FAM161A: variants seen among roughly 807,000 people sequenced by gnomAD.
The protein encoded by FAM161A is protein FAM161A.
A neutral mutation model predicts 70.9 loss-of-function variants in FAM161A; 57 were observed. The ratio of observed to expected loss-of-function variants is 0.80; its 90% CI spans 0.65 to 1.00. The LOEUF (loss-of-function observed/expected upper bound fraction) is 1.00, where lower values mean the gene tolerates loss of function less well. FAM161A is among the 50% of genes least tolerant of loss of function. The pLI, the probability that FAM161A is intolerant of heterozygous loss-of-function variation, is 0.00. For synonymous variants in FAM161A, 299 were observed against 295.7 expected, an observed-to-expected ratio of 1.01 and a Z score of -0.12; for missense variants, 880 against 836.0, an observed-to-expected ratio of 1.05 and a Z score of -0.65.
chr2:61,801,223 C>T, the FAM161A span, among the ~76,000 whole-genome samples: 2 of 152,008 alleles, frequency 1.3e-5, no homozygotes, highest in East Asian at 1.9e-4. Flanking sequence ...ATTGGCCAGG[C>T]GCAGTGGTTC....
chr2:61,821,124 C>T (rs1350879352), downstream of FAM161A, among the ~76,000 whole-genome samples: 1 of 151,608 alleles, frequency 6.6e-6, no homozygotes. Flanking sequence ...ACAATCTCAG[C>T]TCACTGCAAC....
At chr2:61,831,740 T>A (rs1258669338) in intron 5 of FAM161A, among the ~76,000 whole-genome samples, 1 of 152,156 alleles carries the variant, frequency 6.6e-6, no homozygotes, top group Non-Finnish European at 1.5e-5. Context: ...ACAATGCATA[T>A]AAAGTGCTTA....
the FAM161A span, among the ~76,000 whole-genome samples, chr2:61,810,256 G>A: frequency 6.6e-6 from 1 of 152,094 alleles, no homozygotes; most frequent in Non-Finnish European, 1.5e-5. Flanking sequence ...GAGTTAATAA[G>A]GGGTGCTCTA....
chr2:61,803,702 T>C, the FAM161A span, among the ~76,000 whole-genome samples: 1 of 152,148 alleles, frequency 6.6e-6, no homozygotes, highest in Admixed American at 6.6e-5. Context: ...TAATTCCAAC[T>C]TCTCAGGAAG....
chr2:61,803,187 G>A, the FAM161A span: 1 of 538,870 alleles, frequency 1.9e-6, no homozygotes, highest in Non-Finnish European at 3.5e-6. Context: ...CAGTGCCTAA[G>A]ACAGAAATTC....
At chr2:61,840,677 G>C (rs1008332902) in intron 2 of FAM161A, 96 bp from the exon 3 acceptor site, 4 of 954,904 alleles carry the variant, frequency 4.2e-6, no homozygotes, top group Non-Finnish European at 6.4e-6. Context: ...CTGAGACAGA[G>C]TCTCACTCTG....
Position 61,825,490 on chromosome 2 carries a change from T to C in FAM161A, c.*965A>G, listed in dbSNP as rs1672319193. 1 of 444,888 alleles carries C rather than the reference T, an allele frequency of 2.2e-6. No homozygotes were observed. Among genetic ancestry groups the C allele is most frequent in the African/African-American group, 2.0e-5 (1 of 49,280 alleles). The allele number at this position is 444,888 out of a possible 1,614,324, so 27.6% of individuals were successfully genotyped here. A position where few individuals can be genotyped will look rare whatever the true frequency, so the allele number is the denominator to read the frequency against. ...ATACATAGGGTTAAAAAAACTAGTA[T>C]AAAAACTTTCCTAATAATTTACAAA... On this transcript the variant is annotated 3_prime_UTR_variant, in exon 7 of 7. Transcript: ENST00000404929.
chr2:61,808,357 CT>C, the FAM161A span, among the ~76,000 whole-genome samples: 3 of 151,860 alleles, frequency 2.0e-5, no homozygotes, highest in African/African-American at 7.3e-5. Flanking sequence ...ACTGCAACCT[CT>C]GCCTCCTGGG....
At chr2:61,821,971 G>C (rs1198474455), downstream of FAM161A, among the ~76,000 whole-genome samples, 1 of 151,614 alleles carries the variant, frequency 6.6e-6, no homozygotes, top group East Asian at 2.0e-4. Flanking sequence ...GTTTTACCAT[G>C]TTGGTCAGGC....
the FAM161A span, among the ~76,000 whole-genome samples, chr2:61,806,218 C>T: frequency 7.9e-5 from 12 of 151,652 alleles, no homozygotes; most frequent in South Asian, 4.2e-4. Context: ...ATCCGTGATC[C>T]GTCTCAAAAA....
chr2:61,838,888 ATTTATTTT>A (rs1242063756), intron 3 of FAM161A, among the ~76,000 whole-genome samples, 183 bp from the exon 4 acceptor site: 64 of 118,198 alleles, frequency 5.4e-4, no homozygotes, highest in East Asian at 8.0e-4. Context: ...TTATTTATTT[ATTTATTTT>A]TTTTGAGATG....
the FAM161A span, among the ~76,000 whole-genome samples, chr2:61,814,352 C>G: frequency 6.6e-6 from 1 of 152,120 alleles, no homozygotes; most frequent in Non-Finnish European, 1.5e-5. Flanking sequence ...CTACAGAATG[C>G]CTTGATCAAA....
chr2:61,850,668 G>T (rs1366247696), intron 1 of FAM161A, among the ~76,000 whole-genome samples: 1 of 152,138 alleles, frequency 6.6e-6, no homozygotes, highest in African/African-American at 2.4e-5. Context: ...TGAGGAGATT[G>T]ATTGATCCTG....
At chr2:61,844,972 G>C (rs12612234) in intron 1 of FAM161A, among the ~76,000 whole-genome samples, 55,258 of 151,972 alleles carry the variant, frequency 0.36, 10,801 homozygotes, top group East Asian at 0.7. Flanking sequence ...CAGTGAAAAA[G>C]GAATAAATAA....
intron 5 of FAM161A, among the ~76,000 whole-genome samples, chr2:61,828,817 C>A (rs1672469897): frequency 6.6e-6 from 1 of 152,148 alleles, no homozygotes; most frequent in Non-Finnish European, 1.5e-5. Flanking sequence ...GCTTTAAGAT[C>A]TGTTGGAATT....
intron 5 of FAM161A, among the ~76,000 whole-genome samples, chr2:61,832,735 G>A (rs1469574861): frequency 6.6e-6 from 1 of 152,188 alleles, no homozygotes; most frequent in African/African-American, 2.4e-5. Flanking sequence ...AGGGATCTAG[G>A]TTGCATGCTC....
chr2:61,805,848 G>A, the FAM161A span, among the ~76,000 whole-genome samples: 1 of 151,806 alleles, frequency 6.6e-6, no homozygotes, highest in Non-Finnish European at 1.5e-5. Context: ...TTTTTCCTAA[G>A]CCAATACTAT....
At chr2:61,853,742 T>G (rs1673577920) in intron 1 of FAM161A, 117 bp downstream of exon 1, 16 of 1,100,328 alleles carry the variant, frequency 1.5e-5, no homozygotes, top group Non-Finnish European at 2.1e-5. Context: ...AAGTAGGGAC[T>G]ATGTGCACAG....
chr2:61,810,589 G>T, the FAM161A span, among the ~76,000 whole-genome samples: 1 of 150,888 alleles, frequency 6.6e-6, no homozygotes, highest in Non-Finnish European at 1.5e-5. Context: ...CTCCTGAGTA[G>T]CTGGGATTAC....
Sources: allele counts gnomAD v4.1 joint callset (sites outside exome capture counted in the v4.1 genomes callset), GRCh38; gene constraint gnomAD v4.1.1; transcripts MANE v1.5; gene names NCBI Gene and HGNC (gene_info 2026-07-23, HGNC 2026-07-21).